Variants in NEBL observed in about 807,000 individuals in gnomAD.
NEBL encodes nebulette.
Under a neutral mutation model 140.2 loss-of-function variants are expected in NEBL, and 122 were observed. The observed-to-expected ratio is 0.87, with a 90% CI of 0.75 to 1.01. The LOEUF is 1.01. Among genes scored for constraint, NEBL ranks in the 50% least tolerant of loss-of-function variants. The pLI is 0.00. For missense variants in NEBL, 1,365 were observed against 1,231.3 expected, an observed-to-expected ratio of 1.11 and a Z score of -1.62; for synonymous variants, 436 against 398.9, an observed-to-expected ratio of 1.09 and a Z score of -1.11.
At chr10:21,286,146 A>G (rs1843052533) in intron 1 of NEBL, among the ~76,000 whole-genome samples, 1 of 151,816 alleles carries the variant, frequency 6.6e-6, no homozygotes. Context: ...TTTATTTTCT[A>G]TTTTCTCTTA....
intron 2 of NEBL, among the ~76,000 whole-genome samples, chr10:21,036,114 G>GATCAC (rs1564488452): frequency 6.6e-6 from 1 of 152,008 alleles, no homozygotes; most frequent in Non-Finnish European, 1.5e-5. Context: ...AGTGAGCCAA[G>GATCAC]ATCACATCAC....
chr10:20,914,969 ATT>A (rs71390798), intron 4 of NEBL, among the ~76,000 whole-genome samples: 1 of 111,236 alleles, frequency 9.0e-6, no homozygotes, highest in Non-Finnish European at 1.8e-5. Context: ...AGTGGCTGGG[ATT>A]TTTTTTTTTT....
At chr10:21,229,064 T>C (rs780829579) in intron 3 of NEBL, among the ~76,000 whole-genome samples, 4 of 152,118 alleles carry the variant, frequency 2.6e-5, no homozygotes, top group Non-Finnish European at 1.5e-5. Context: ...TCTGTTACAA[T>C]TTGGGACTAT....
intron 2 of NEBL, among the ~76,000 whole-genome samples, chr10:21,169,068 ATATATATATATATATATAT>A (rs1269629126): frequency 6.1e-4 from 11 of 18,048 alleles, no homozygotes; most frequent in East Asian, 1.8e-3. Flanking sequence ...AAAAAAAAAA[ATATATATATATATATATAT>A]ATATATATAT....
At chr10:20,848,660 T>C (rs1402410185) in intron 11 of NEBL, among the ~76,000 whole-genome samples, 2 of 152,130 alleles carry the variant, frequency 1.3e-5, no homozygotes, top group Non-Finnish European at 2.9e-5. Flanking sequence ...GCACTCCTTA[T>C]GAGAATCTAA....
At chr10:21,244,025 G>GT (rs1249640802) in intron 3 of NEBL, among the ~76,000 whole-genome samples, 8 of 151,916 alleles carry the variant, frequency 5.3e-5, no homozygotes, top group Non-Finnish European at 7.4e-5. Context: ...AGAAAGGCAT[G>GT]TTTTTTATCA....
At chr10:20,914,995 G>T (rs1589004051) in intron 4 of NEBL, among the ~76,000 whole-genome samples, 2 of 106,392 alleles carry the variant, frequency 1.9e-5, no homozygotes, top group East Asian at 4.6e-4. Context: ...GAGAGATGGG[G>T]TTTCACTATA....
At chr10:20,846,907 C>A (rs1390392990) in intron 11 of NEBL, among the ~76,000 whole-genome samples, 1 of 151,176 alleles carries the variant, frequency 6.6e-6, no homozygotes, top group African/African-American at 2.4e-5. Context: ...TGAAATAAGA[C>A]AAAGAACTTT....
intron 3 of NEBL, among the ~76,000 whole-genome samples, chr10:21,197,847 G>T (rs747930879): frequency 2.0e-5 from 3 of 152,098 alleles, no homozygotes; most frequent in Admixed American, 2.0e-4. Context: ...ACCAAAAAAC[G>T]CAGTTTCCAT....
At chr10:20,918,272 C>T (rs191550851) in intron 4 of NEBL, among the ~76,000 whole-genome samples, 21 of 151,960 alleles carry the variant, frequency 1.4e-4, no homozygotes, top group African/African-American at 4.8e-4. Flanking sequence ...GCAGGAGAAT[C>T]GCTTGAACCC....
chr10:21,288,852 AAATT>A (rs1843104519), intron 1 of NEBL, among the ~76,000 whole-genome samples: 3 of 97,998 alleles, frequency 3.1e-5, no homozygotes, highest in Admixed American at 1.2e-4. Flanking sequence ...ATATATATAA[AAATT>A]TTTTTTTTTT....
intron 2 of NEBL, among the ~76,000 whole-genome samples, chr10:21,087,509 G>A (rs1429800692): frequency 2.0e-5 from 3 of 152,008 alleles, no homozygotes; most frequent in Non-Finnish European, 4.4e-5. Flanking sequence ...CCAGTTTTTA[G>A]TAAAACTGCC....
intron 3 of NEBL, among the ~76,000 whole-genome samples, chr10:21,227,581 T>A (rs967667076): frequency 6.6e-6 from 1 of 152,234 alleles, no homozygotes; most frequent in Non-Finnish European, 1.5e-5. Flanking sequence ...AGAGAAAAGC[T>A]ACATACTTTT....
intron 4 of NEBL, among the ~76,000 whole-genome samples, chr10:20,944,817 T>A (rs1835076949): frequency 1.3e-5 from 2 of 152,208 alleles, no homozygotes; most frequent in African/African-American, 4.8e-5. Context: ...CAAGAAATCA[T>A]AATTGTTTCC....
intron 3 of NEBL, among the ~76,000 whole-genome samples, chr10:21,227,111 G>GCTAGATTTAA (rs1211849040): frequency 2.6e-5 from 4 of 151,986 alleles, no homozygotes; most frequent in Admixed American, 6.6e-5. Flanking sequence ...TTCAGTGATG[G>GCTAGATTTAA]CTAGATTTAA....
intron 3 of NEBL, among the ~76,000 whole-genome samples, chr10:20,975,491 C>T (rs1316564657): frequency 6.6e-6 from 1 of 152,074 alleles, no homozygotes; most frequent in African/African-American, 2.4e-5. Flanking sequence ...TTGTCAGCAC[C>T]ATCAATACAT....
intron 3 of NEBL, among the ~76,000 whole-genome samples, chr10:21,195,999 C>T (rs948863236): frequency 6.6e-6 from 1 of 152,000 alleles, no homozygotes; most frequent in Non-Finnish European, 1.5e-5. Flanking sequence ...TTTACTTATA[C>T]ATTTGTTTAT....
intron 2 of NEBL, chr10:21,172,326 C>T (rs949650961): frequency 4.3e-6 from 6 of 1,388,170 alleles, no homozygotes; most frequent in Non-Finnish European, 5.1e-6. Flanking sequence ...GGCAGGTCCA[C>T]TGGCTCTCAA....
rs780103943 is a variant in NEBL, at chr10:20,808,604, G to A, written c.2667C>T (p.Phe889=). ...ACCTGTCGTCTCCGAGACCTGTACC[G>A]AAAGTACTGCTGGAATGGGATCGAG... The part of the protein sequence containing the change: ...HWSRSHSSST[F]GTGLGDDRSE... The change falls in exon 26 of 28, where the codon TTC becomes TTT. Residue 889 remains phenylalanine, a synonymous_variant. Coordinates refer to ENST00000377122, the MANE Select transcript of NEBL (RefSeq NM_006393.3). 39 of 1,613,184 alleles carry A rather than the reference G, an allele frequency of 2.4e-5. No homozygotes were observed. Among genetic ancestry groups the A allele is most frequent in the South Asian group, 1.3e-4 (12 of 91,062 alleles).
Sources: allele counts gnomAD v4.1 joint callset (sites outside exome capture counted in the v4.1 genomes callset), GRCh38; gene constraint gnomAD v4.1.1; transcripts MANE v1.5; gene names NCBI Gene and HGNC (gene_info 2026-07-23, HGNC 2026-07-21).